Variants in EXOC6B observed in about 807,000 individuals in gnomAD.
The protein encoded by EXOC6B is SEC15 homolog B.
Under a neutral mutation model 113.5 loss-of-function variants are expected in EXOC6B, and 54 were observed. The observed-to-expected ratio is 0.48, with a 90% confidence interval of 0.38 to 0.60. EXOC6B has a LOEUF of 0.60. Among genes scored for constraint, EXOC6B ranks in the 20% least tolerant of loss-of-function variants. The probability of loss-of-function intolerance (pLI) is 0.00; values close to 1 mark genes in which losing one functional copy is unlikely to be tolerated. For synonymous variants in EXOC6B, 357 were observed against 339.0 expected, an observed-to-expected ratio of 1.05 and a Z score of -0.58; for missense variants, 797 against 977.5, an observed-to-expected ratio of 0.82 and a Z score of 2.46.
At chr2:72,310,218 T>C (rs1687103577) in intron 20 of EXOC6B, among the ~76,000 whole-genome samples, 1 of 152,206 alleles carries the variant, frequency 6.6e-6, no homozygotes, top group Admixed American at 6.5e-5. Context: ...CTAAACTGTT[T>C]TCCACAGTGG....
intron 20 of EXOC6B, among the ~76,000 whole-genome samples, chr2:72,283,925 C>T (rs1308381171): frequency 6.6e-6 from 1 of 152,054 alleles, no homozygotes; most frequent in Non-Finnish European, 1.5e-5. Flanking sequence ...TGACAAAACT[C>T]ACACAAGAAG....
At chr2:72,673,277 C>T (rs1289830697) in intron 6 of EXOC6B, among the ~76,000 whole-genome samples, 1 of 152,132 alleles carries the variant, frequency 6.6e-6, no homozygotes, top group Admixed American at 6.5e-5. Context: ...TGCCCAGGTT[C>T]CAGCCTCAGT....
At position 72,442,803 on chromosome 2, in the gene EXOC6B, G is replaced by C. The variant is rs117259608; in HGVS notation, c.1980+22357C>G. On this transcript the variant is annotated intron_variant, in intron 18 of 21. Coordinates refer to ENST00000272427, the MANE Select transcript of EXOC6B (RefSeq NM_015189.3). ...GGGAAGAATCAATATTGTTAAAATG[G>C]CCATACTGCCCAAAGAAATTCATAA... Among the ~76,000 whole-genome samples, 245 of 152,164 alleles carry C rather than the reference G, an allele frequency of 1.6e-3. 2 individuals carry two copies. In the East Asian group the frequency reaches 0.04, roughly 25 times the overall value.
chr2:72,595,474 GAAGTT>G (rs972721132), intron 6 of EXOC6B, among the ~76,000 whole-genome samples: 13 of 151,098 alleles, frequency 8.6e-5, no homozygotes, highest in African/African-American at 2.7e-4. Flanking sequence ...ATAATATCAA[GAAGTT>G]AAGAAAATAT....
intron 20 of EXOC6B, among the ~76,000 whole-genome samples, chr2:72,329,776 G>A (rs1341244207): frequency 1.3e-5 from 2 of 151,978 alleles, no homozygotes; most frequent in South Asian, 2.1e-4. Context: ...CCAAAGGTAC[G>A]GGTTTTACCT....
chr2:72,385,949 C>T lies in EXOC6B; in HGVS notation c.1981-6079G>A, dbSNP rs189051474. On this transcript the variant is annotated intron_variant, in intron 18 of 21. Coordinates refer to ENST00000272427, the MANE Select transcript of EXOC6B (RefSeq NM_015189.3). Reference sequence around the variant, plus strand: ...AGTATAGCTACTATTGAAAACAGTACGGAAGTTCCTCACAAAATTTAAAAT... The same window carrying T: ...AGTATAGCTACTATTGAAAACAGTATGGAAGTTCCTCACAAAATTTAAAAT... Among the ~76,000 whole-genome samples the T allele has an allele frequency of 2.8e-4, 43 of 152,122 alleles. 1 individual carries two copies. Among genetic ancestry groups the T allele is most frequent in the African/African-American group, 6.5e-4 (27 of 41,504 alleles).
chr2:72,634,350 TC>T (rs1672683466), intron 6 of EXOC6B, among the ~76,000 whole-genome samples: 1 of 152,136 alleles, frequency 6.6e-6, no homozygotes, highest in South Asian at 2.1e-4. Flanking sequence ...TTCCTCCTCT[TC>T]CCGCTAAGTA....
At chr2:72,288,914 T>C (rs1472654935) in intron 20 of EXOC6B, 3 of 223,220 alleles carry the variant, frequency 1.3e-5, no homozygotes, top group Non-Finnish European at 2.7e-5. Flanking sequence ...GGGAAAATTA[T>C]TGTGAACCTC....
At chr2:72,755,942 G>A (rs1164232114) in intron 1 of EXOC6B, among the ~76,000 whole-genome samples, 1 of 152,120 alleles carries the variant, frequency 6.6e-6, no homozygotes, top group East Asian at 1.9e-4. Flanking sequence ...AACTACTGAT[G>A]ATTAAACCAT....
At chr2:72,266,037 C>T (rs1684059934) in intron 20 of EXOC6B, among the ~76,000 whole-genome samples, 2 of 152,242 alleles carry the variant, frequency 1.3e-5, no homozygotes, top group Non-Finnish European at 2.9e-5. Flanking sequence ...TGTCTTTTGG[C>T]TGCATAAATG....
intron 20 of EXOC6B, among the ~76,000 whole-genome samples, chr2:72,232,997 G>A (rs947954644): frequency 6.6e-6 from 1 of 151,808 alleles, no homozygotes; most frequent in Non-Finnish European, 1.5e-5. Context: ...ACTTGAATCA[G>A]GGAGGTGGAG....
chr2:72,466,014 T>C (rs1254053406), intron 17 of EXOC6B, among the ~76,000 whole-genome samples: 1 of 152,144 alleles, frequency 6.6e-6, no homozygotes, highest in Non-Finnish European at 1.5e-5. Context: ...CAATCATATA[T>C]GCGAGTGTTT....
At chr2:72,477,350 C>T (rs115229433) in intron 17 of EXOC6B, among the ~76,000 whole-genome samples, 4 of 152,278 alleles carry the variant, frequency 2.6e-5, no homozygotes, top group African/African-American at 9.6e-5. Context: ...AGTTTTGGAA[C>T]TATCTTTGAC....
At chr2:72,552,649 T>TA (rs1350694821) in intron 8 of EXOC6B, among the ~76,000 whole-genome samples, 2 of 151,978 alleles carry the variant, frequency 1.3e-5, no homozygotes, top group Non-Finnish European at 2.9e-5. Context: ...AAAAAGGAGT[T>TA]AAATTCTACA....
intron 18 of EXOC6B, among the ~76,000 whole-genome samples, chr2:72,390,840 C>G (rs1298122958): frequency 6.6e-6 from 1 of 152,198 alleles, no homozygotes; most frequent in Non-Finnish European, 1.5e-5. Flanking sequence ...TGTGCCCTCA[C>G]AATTTGATGG....
At position 72,228,636 on chromosome 2, in the gene EXOC6B, G is replaced by A. The variant is rs537633633; in HGVS notation, c.2197-44449C>T. On this transcript the variant is annotated intron_variant, in intron 20 of 21. Transcript: ENST00000272427. ...CTGCATAGTATTCCATGGTGTATATGTGCCATATTTTCTTAATCCAGTCTA... is the reference window on the plus strand; with the variant it reads ...CTGCATAGTATTCCATGGTGTATATATGCCATATTTTCTTAATCCAGTCTA... Among the ~76,000 whole-genome samples, 228 of 152,248 alleles carry A rather than the reference G, an allele frequency of 1.5e-3. 1 individual carries two copies. Among genetic ancestry groups the A allele is most frequent in the African/African-American group, 5.3e-3 (219 of 41,530 alleles).
At chr2:72,294,566 T>C (rs1686008964) in intron 20 of EXOC6B, among the ~76,000 whole-genome samples, 1 of 152,182 alleles carries the variant, frequency 6.6e-6, no homozygotes, top group Non-Finnish European at 1.5e-5. Flanking sequence ...GCTTTTTTAT[T>C]TTAAGCCAGT....
At chr2:72,408,447 G>A (rs531154411) in intron 18 of EXOC6B, among the ~76,000 whole-genome samples, 22 of 152,206 alleles carry the variant, frequency 1.4e-4, no homozygotes, top group African/African-American at 3.9e-4. Context: ...GAGGCATCAC[G>A]CTACCTGACT....
chr2:72,729,658 C>T (rs969918800), intron 5 of EXOC6B, among the ~76,000 whole-genome samples: 1 of 151,838 alleles, frequency 6.6e-6, no homozygotes, highest in African/African-American at 2.4e-5. Flanking sequence ...CTTCTGGCCT[C>T]GAGTGATCCA....
Sources: allele counts gnomAD v4.1 joint callset (sites outside exome capture counted in the v4.1 genomes callset), GRCh38; gene constraint gnomAD v4.1.1; transcripts MANE v1.5; gene names NCBI Gene and HGNC (gene_info 2026-07-23, HGNC 2026-07-21).